Variants in C1QTNF3 observed in about 807,000 individuals in gnomAD.
C1QTNF3 encodes the protein C1q and TNF related 3.
In C1QTNF3, 26 loss-of-function variants were observed where a neutral mutation model predicts 32.6. That is an observed-to-expected ratio of 0.80 (90% CI 0.58 to 1.11). C1QTNF3 has a LOEUF of 1.11. Ranked by LOEUF, C1QTNF3 falls within the 50% of genes least tolerant of loss-of-function variation. C1QTNF3 has a pLI of 0.00. For missense variants in C1QTNF3, 362 were observed against 398.2 expected, an observed-to-expected ratio of 0.91 and a Z score of 0.77; for synonymous variants, 155 against 146.0, an observed-to-expected ratio of 1.06 and a Z score of -0.44.
chr5:34,163,409 C>T, the C1QTNF3 span, among the ~76,000 whole-genome samples: 33 of 151,798 alleles, frequency 2.2e-4, no homozygotes, highest in African/African-American at 8.0e-4. Context: ...GAGAAAGATG[C>T]TACTATAGTT....
At chr5:34,236,620 C>T in the C1QTNF3 span, among the ~76,000 whole-genome samples, 6 of 107,508 alleles carry the variant, frequency 5.6e-5, no homozygotes, top group Non-Finnish European at 1.0e-4. Flanking sequence ...GCTGCCCAGG[C>T]TGTAGCGCAG....
At chr5:34,025,084 T>A (rs1045483245) in intron 4 of C1QTNF3, among the ~76,000 whole-genome samples, 3 of 152,238 alleles carry the variant, frequency 2.0e-5, no homozygotes, top group African/African-American at 7.2e-5. Context: ...CTTTGTCTAG[T>A]GCCAGGAATG....
At chr5:34,047,786 C>T (rs978648861), upstream of C1QTNF3, among the ~76,000 whole-genome samples, 1 of 152,114 alleles carries the variant, frequency 6.6e-6, no homozygotes, top group African/African-American at 2.4e-5. Context: ...ATGTTAAGGG[C>T]TTTTTCAGAT....
chr5:34,117,118 G>C, the C1QTNF3 span, among the ~76,000 whole-genome samples: 1 of 151,634 alleles, frequency 6.6e-6, no homozygotes, highest in East Asian at 1.9e-4. Flanking sequence ...CTGATATGTG[G>C]GAGTGATATC....
chr5:34,230,865 G>T, the C1QTNF3 span, among the ~76,000 whole-genome samples: 33 of 152,076 alleles, frequency 2.2e-4, no homozygotes, highest in Middle Eastern at 3.4e-3. Context: ...TATTAACATT[G>T]AACATATTCT....
At chr5:34,134,852 A>G in the C1QTNF3 span, among the ~76,000 whole-genome samples, 6 of 152,166 alleles carry the variant, frequency 3.9e-5, no homozygotes, top group African/African-American at 1.4e-4. Flanking sequence ...TAAATATACA[A>G]CCATGTCATC....
the C1QTNF3 span, among the ~76,000 whole-genome samples, chr5:34,056,613 A>G: frequency 5.3e-5 from 8 of 150,978 alleles, no homozygotes; most frequent in Non-Finnish European, 1.0e-4. Flanking sequence ...CCCGGGCTCA[A>G]GTGATCCTCC....
the C1QTNF3 span, among the ~76,000 whole-genome samples, chr5:34,116,172 T>C: frequency 3.3e-5 from 5 of 152,312 alleles, no homozygotes; most frequent in East Asian, 9.6e-4. Flanking sequence ...TATTTGTAAA[T>C]TTCTCAAATT....
At position 34,026,203 on chromosome 5, in the gene C1QTNF3, G is replaced by A. The variant is rs186917031; in HGVS notation, c.701-2195C>T. The stretch of plus-strand genomic sequence containing the variant: ...TGTAAGTGCTGCCAAATGCCCCTGA[G>A]GGTGGACAGAGTCATGTGGAGATAA... On this transcript the variant is annotated intron_variant, in intron 4 of 5. Transcript: ENST00000382065. 2.0e-5 allele frequency among the ~76,000 whole-genome samples: 3 copies of A among 152,300 alleles called. No individual in the cohort carries two copies. The East Asian group carries it at 5.8e-4, about 29-fold the overall frequency.
chr5:34,094,438 T>G, the C1QTNF3 span, among the ~76,000 whole-genome samples: 1 of 152,116 alleles, frequency 6.6e-6, no homozygotes. Flanking sequence ...AGCAAAACAC[T>G]AAGGAAAATA....
chr5:34,041,847 C>A (rs1002290119), intron 1 of C1QTNF3, among the ~76,000 whole-genome samples: 1 of 151,872 alleles, frequency 6.6e-6, no homozygotes, highest in Non-Finnish European at 1.5e-5. Flanking sequence ...ACCCAAACTT[C>A]TGAATCCATG....
the C1QTNF3 span, chr5:34,168,570 T>A: frequency 1.3e-5 from 2 of 150,764 alleles, no homozygotes; most frequent in Non-Finnish European, 3.0e-5. Context: ...CAATGGAGAG[T>A]TATCAAGCCA....
the C1QTNF3 span, chr5:34,218,339 T>C: frequency 6.6e-5 from 10 of 150,944 alleles, 1 homozygote; most frequent in South Asian, 6.4e-4. Context: ...GTTGCTCCTA[T>C]CCATCACCTG....
At chr5:34,061,461 C>T in the C1QTNF3 span, among the ~76,000 whole-genome samples, 1 of 152,222 alleles carries the variant, frequency 6.6e-6, no homozygotes, top group African/African-American at 2.4e-5. Flanking sequence ...TTCCCTTCCA[C>T]ACTGTCCAAG....
At chr5:34,099,205 CTGT>C in the C1QTNF3 span, among the ~76,000 whole-genome samples, 1 of 152,022 alleles carries the variant, frequency 6.6e-6, no homozygotes, top group Non-Finnish European at 1.5e-5. Flanking sequence ...GTAAATTAGA[CTGT>C]TATTAACATT....
intron 4 of C1QTNF3, 152 bp downstream of exon 4, chr5:34,028,602 C>A: frequency 1.7e-6 from 1 of 593,302 alleles, no homozygotes; most frequent in Non-Finnish European, 2.6e-6. Context: ...AAAAAAATAA[C>A]TACCTTAATG....
chr5:34,217,395 T>C, the C1QTNF3 span, among the ~76,000 whole-genome samples: 1 of 152,168 alleles, frequency 6.6e-6, no homozygotes, highest in East Asian at 1.9e-4. Context: ...ATTCTGTTGC[T>C]AGTACATAAG....
At chr5:34,119,178 A>G in the C1QTNF3 span, among the ~76,000 whole-genome samples, 1 of 152,248 alleles carries the variant, frequency 6.6e-6, no homozygotes, top group African/African-American at 2.4e-5. Flanking sequence ...CTTTTAAAAA[A>G]ACAACAATTC....
At chr5:34,122,363 G>A in the C1QTNF3 span, among the ~76,000 whole-genome samples, 11 of 152,194 alleles carry the variant, frequency 7.2e-5, no homozygotes, top group Non-Finnish European at 1.6e-4. Context: ...AGGTCACACT[G>A]ATGAAGTTTC....
Sources: gnomAD v4.1 joint callset for allele counts (sites outside exome capture counted in the v4.1 genomes callset) on GRCh38, gnomAD v4.1.1 for gene constraint, MANE v1.5 for transcripts, NCBI Gene and HGNC (gene_info 2026-07-23, HGNC 2026-07-21) for gene names.